GALNT14: variants seen among roughly 807,000 people sequenced by gnomAD.
GALNT14 encodes the protein UDP-GalNAc:polypeptide N-acetylgalactosaminyltransferase 14.
A neutral mutation model predicts 77.5 loss-of-function variants in GALNT14; 60 were observed. The observed-to-expected ratio is 0.77, with a 90% CI of 0.63 to 0.96. GALNT14 has a LOEUF of 0.96. Ranked by LOEUF, GALNT14 falls within the 40% of genes least tolerant of loss-of-function variation. The probability of loss-of-function intolerance (pLI) is 0.00; values close to 1 mark genes in which losing one functional copy is unlikely to be tolerated. For missense variants in GALNT14, 710 were observed against 731.0 expected (o/e 0.97, Z 0.33); for synonymous variants, 280 against 281.7 (o/e 0.99, Z 0.06).
intron 1 of GALNT14, among the ~76,000 whole-genome samples, chr2:31,111,895 A>G (rs960336144): frequency 6.6e-6 from 1 of 151,994 alleles, no homozygotes; most frequent in African/African-American, 2.4e-5. Flanking sequence ...TGTTTTAAAT[A>G]GGCCATCAGA....
intron 1 of GALNT14, among the ~76,000 whole-genome samples, chr2:31,031,501 A>G (rs73921410): frequency 0.026 from 3,990 of 152,170 alleles, 170 homozygotes; most frequent in African/African-American, 0.091. Flanking sequence ...CTATCTTTGC[A>G]TGGCCATGCA....
intron 1 of GALNT14, among the ~76,000 whole-genome samples, chr2:31,051,091 CT>C (rs1254422811): frequency 6.6e-6 from 1 of 152,188 alleles, no homozygotes; most frequent in African/African-American, 2.4e-5. Context: ...GAAAACCTGA[CT>C]TGCTGCATCG....
chr2:30,994,866 C>T (rs553074589), intron 1 of GALNT14, among the ~76,000 whole-genome samples: 1 of 152,202 alleles, frequency 6.6e-6, no homozygotes, highest in Admixed American at 6.5e-5. Flanking sequence ...TGCAACATTG[C>T]AGAGAGACAT....
At chr2:31,092,086 G>T (rs920060751) in intron 1 of GALNT14, among the ~76,000 whole-genome samples, 5 of 152,120 alleles carry the variant, frequency 3.3e-5, no homozygotes, top group African/African-American at 1.2e-4. Context: ...ACTTACACCA[G>T]TGGTTCGCCT....
intron 3 of GALNT14, among the ~76,000 whole-genome samples, chr2:30,965,009 T>C (rs1288290647): frequency 6.6e-6 from 1 of 152,150 alleles, no homozygotes; most frequent in Non-Finnish European, 1.5e-5. Flanking sequence ...CGGCACCAGC[T>C]GATGTGCTGC....
At chr2:30,979,016 G>T (rs1187465514) in intron 2 of GALNT14, among the ~76,000 whole-genome samples, 1 of 152,256 alleles carries the variant, frequency 6.6e-6, no homozygotes, top group African/African-American at 2.4e-5. Context: ...CAGCAATGAT[G>T]AGGCCTGAAT....
At chr2:30,999,851 T>C (rs1670252247) in intron 1 of GALNT14, among the ~76,000 whole-genome samples, 2 of 152,218 alleles carry the variant, frequency 1.3e-5, no homozygotes, top group African/African-American at 4.8e-5. Flanking sequence ...GCACAGTCAG[T>C]GCAGGAGAAC....
chr2:31,082,311 G>A lies in GALNT14; in HGVS notation c.129+55647C>T, dbSNP rs543789816. The stretch of plus-strand genomic sequence containing the variant: ...TCAGGATCCAGAAAGCAGACAGAAA[G>A]GCCAAGTCTCCACAAACAGTTCAAG... On this transcript the variant is annotated intron_variant, in intron 1 of 14. Transcript: ENST00000349752. Among the ~76,000 whole-genome samples, 304 of 152,370 alleles carry A rather than the reference G, an allele frequency of 2.0e-3. 2 individuals are homozygous for A. Among genetic ancestry groups the A allele is most frequent in the Non-Finnish European group, 3.3e-3 (226 of 68,034 alleles).
At position 31,136,272 on chromosome 2, in the gene GALNT14, C is replaced by A. The variant is rs181300700; in HGVS notation, c.129+1686G>T. Among the ~76,000 whole-genome samples the A allele has an allele frequency of 1.3e-4, 19 of 150,088 alleles. No individual in the cohort carries two copies. The East Asian group carries it at 3.1e-3, about 24-fold the overall frequency. ...CTACACACCTCCCTAAACTTTATCC[C>A]TCCAACCTCCACATACTTTGTGCTC... is the stretch of plus-strand genomic sequence containing the variant. On this transcript the variant is annotated intron_variant, in intron 1 of 14. Transcript: ENST00000349752.
chr2:31,022,311 C>T (rs116772029), intron 1 of GALNT14, among the ~76,000 whole-genome samples: 253 of 152,338 alleles, frequency 1.7e-3, no homozygotes, highest in African/African-American at 4.9e-3. Flanking sequence ...TGGGCGTGTA[C>T]CCCTCAGGGG....
chr2:31,047,524 G>A (rs1673540004), intron 1 of GALNT14, among the ~76,000 whole-genome samples: 1 of 152,192 alleles, frequency 6.6e-6, no homozygotes, highest in South Asian at 2.1e-4. Flanking sequence ...TGAGGACCCT[G>A]TACTCTGGGA....
At chr2:31,103,744 G>C (rs112031497) in intron 1 of GALNT14, among the ~76,000 whole-genome samples, 109 of 152,172 alleles carry the variant, frequency 7.2e-4, no homozygotes, top group African/African-American at 2.5e-3. Flanking sequence ...TGTTGGCTGT[G>C]TCATTTCTAC....
rs1194877819 is a variant in GALNT14, at chr2:30,952,647, T to C, written c.654+2971A>G. 6.9e-5 allele frequency among the ~76,000 whole-genome samples: 10 copies of C among 145,894 alleles called. No homozygotes were observed. The East Asian group carries it at 2.1e-3, about 30-fold the overall frequency. On this transcript the variant is annotated intron_variant, in intron 6 of 14. Coordinates refer to ENST00000349752, the MANE Select transcript of GALNT14 (RefSeq NM_024572.4). The stretch of plus-strand genomic sequence containing the variant: ...AGGGGGGAGGGATAGCATCGGGAGA[T>C]ATACCTAATGCTAGATGACGAGTTA...
chr2:30,971,409 G>C (rs528852061), intron 2 of GALNT14, among the ~76,000 whole-genome samples: 11 of 152,154 alleles, frequency 7.2e-5, no homozygotes, highest in Non-Finnish European at 1.3e-4. Flanking sequence ...GCCAGGAGGA[G>C]ACTCTGGTCT....
chr2:31,118,234 T>C (rs1364891592), intron 1 of GALNT14, among the ~76,000 whole-genome samples: 1 of 152,194 alleles, frequency 6.6e-6, no homozygotes, highest in African/African-American at 2.4e-5. Context: ...GCGAAAGTTA[T>C]TTAAACTATT....
intron 1 of GALNT14, among the ~76,000 whole-genome samples, chr2:31,097,806 CTT>C (rs1390237321): frequency 6.6e-6 from 1 of 152,092 alleles, no homozygotes; most frequent in African/African-American, 2.4e-5. Context: ...CTGGCCAAGA[CTT>C]TTGTGTCATG....
the GALNT14 span, among the ~76,000 whole-genome samples, chr2:30,895,192 A>G: frequency 0.5 from 75,977 of 151,980 alleles, 19,249 homozygotes; most frequent in East Asian, 0.58. Flanking sequence ...GTTCAATTTG[A>G]CAAGCACCTT....
intron 1 of GALNT14, among the ~76,000 whole-genome samples, chr2:31,075,597 G>A (rs112025715): frequency 5.1e-4 from 78 of 152,308 alleles, no homozygotes; most frequent in African/African-American, 1.6e-3. Flanking sequence ...GCTGGCCTAC[G>A]CCCAGCTCTG....
intron 1 of GALNT14, chr2:31,129,721 G>A: frequency 2.3e-6 from 2 of 853,560 alleles, no homozygotes; most frequent in Non-Finnish European, 2.8e-6. Flanking sequence ...TGGCTGGGAG[G>A]TGGGGGGTGG....
Sources: allele counts gnomAD v4.1 joint callset (sites outside exome capture counted in the v4.1 genomes callset), GRCh38; gene constraint gnomAD v4.1.1; transcripts MANE v1.5; gene names NCBI Gene and HGNC (gene_info 2026-07-23, HGNC 2026-07-21).